Variants in NAA11 observed in about 807,000 individuals in gnomAD.
The protein encoded by NAA11 is N-alpha-acetyltransferase 11, NatA catalytic subunit, also known as N-alpha-acetyltransferase 11.
In NAA11, 15 loss-of-function variants were observed where a neutral mutation model predicts 16.1. The observed-to-expected ratio is 0.93, with a 90% CI of 0.62 to 1.44. The LOEUF (loss-of-function observed/expected upper bound fraction) is 1.44. NAA11 is among the 40% of genes most tolerant of loss of function. The probability of loss-of-function intolerance (pLI) is 0.00; values close to 1 mark genes in which losing one functional copy is unlikely to be tolerated. For synonymous variants in NAA11, 122 were observed against 112.4 expected, an observed-to-expected ratio of 1.09 and a Z score of -0.54; for missense variants, 298 against 291.3, an observed-to-expected ratio of 1.02 and a Z score of -0.17.
At chr4:79,194,077 C>G in the NAA11 span, among the ~76,000 whole-genome samples, 2 of 152,050 alleles carry the variant, frequency 1.3e-5, no homozygotes, top group Non-Finnish European at 2.9e-5. Flanking sequence ...GATTTTGTAT[C>G]CTGAGACTTT....
Position 79,325,670 on chromosome 4 carries a change from C to T in NAA11, c.208G>A (p.Gly70Ser), listed in dbSNP as rs1233919035. 1 of 1,613,984 alleles carries T rather than the reference C, an allele frequency of 6.2e-7. No homozygotes were observed. The highest frequency in any genetic ancestry group is 8.5e-7 in the Non-Finnish European group (1 of 1,179,992). Residue 70 changes from glycine (G) to serine (S), a missense_variant, in exon 1 of 2, where the codon GGC (glycine) becomes AGC (serine). By Grantham distance (56) the Gly-to-Ser change is moderately conservative (BLOSUM62 0). Transcript: ENST00000286794. The stretch of plus-strand genomic sequence containing the variant: ...TTCACGGCCAGTGAGGTGATATGGC[C>T]ATGCGGGACATCATCTGGTTCCTCC... ...MEEEPDDVPH[G>S]HITSLAVKRS...
chr4:79,230,388 A>C (rs1560691149), intron 2 of NAA11, among the ~76,000 whole-genome samples: 1 of 151,972 alleles, frequency 6.6e-6, no homozygotes, highest in Non-Finnish European at 1.5e-5. Context: ...ACTAACCTGC[A>C]CATTGTGCAC....
intron 2 of NAA11, among the ~76,000 whole-genome samples, chr4:79,249,287 A>G (rs1721935471): frequency 6.6e-6 from 1 of 152,262 alleles, no homozygotes; most frequent in African/African-American, 2.4e-5. Flanking sequence ...AATGACAGAT[A>G]TTGAATTCAG....
intron 2 of NAA11, among the ~76,000 whole-genome samples, chr4:79,252,073 A>C (rs1052227572): frequency 6.6e-6 from 1 of 152,234 alleles, no homozygotes; most frequent in Non-Finnish European, 1.5e-5. Flanking sequence ...TTCTAAGTGA[A>C]ATAACTCATA....
At chr4:79,217,001 A>G in the NAA11 span, among the ~76,000 whole-genome samples, 7 of 152,244 alleles carry the variant, frequency 4.6e-5, no homozygotes, top group Non-Finnish European at 5.9e-5. Context: ...AAAAATGTAC[A>G]TTAATGACAG....
At chr4:79,265,159 A>G (rs1248246037) in intron 2 of NAA11, among the ~76,000 whole-genome samples, 1 of 152,122 alleles carries the variant, frequency 6.6e-6, no homozygotes, top group African/African-American at 2.4e-5. Flanking sequence ...TCTGCATCCA[A>G]TTTATCAACA....
At chr4:79,247,290 A>G (rs1329243940) in intron 2 of NAA11, among the ~76,000 whole-genome samples, 1 of 152,162 alleles carries the variant, frequency 6.6e-6, no homozygotes, top group Non-Finnish European at 1.5e-5. Flanking sequence ...TATTATAAAC[A>G]TTTGATTATC....
chr4:79,210,582 C>CA, the NAA11 span, among the ~76,000 whole-genome samples: 2 of 151,954 alleles, frequency 1.3e-5, no homozygotes, highest in Non-Finnish European at 2.9e-5. Context: ...AAAGGAATGA[C>CA]AAAAATAAAT....
At chr4:79,173,964 A>G in the NAA11 span, among the ~76,000 whole-genome samples, 52 of 152,272 alleles carry the variant, frequency 3.4e-4, no homozygotes, top group African/African-American at 1.2e-3. Context: ...TCTTAGGACA[A>G]CAACAATTAG....
intron 1 of NAA11, among the ~76,000 whole-genome samples, chr4:79,303,860 A>C (rs1287850034): frequency 6.6e-6 from 1 of 152,212 alleles, no homozygotes; most frequent in Admixed American, 6.6e-5. Context: ...AATGTCTCTA[A>C]TGAGCCTAGA....
At chr4:79,310,652 AGAT>A (rs1247717698) in intron 1 of NAA11, among the ~76,000 whole-genome samples, 1 of 152,230 alleles carries the variant, frequency 6.6e-6, no homozygotes, top group East Asian at 1.9e-4. Context: ...GTCCCAGTTT[AGAT>A]CTTGAAACAG....
At chr4:79,186,185 C>G in the NAA11 span, among the ~76,000 whole-genome samples, 1 of 152,128 alleles carries the variant, frequency 6.6e-6, no homozygotes, top group African/African-American at 2.4e-5. Flanking sequence ...GTGTTCCCCC[C>G]GCCTCCCGAA....
In NAA11 at chr4:79,251,562, A is replaced by G. The variant is rs114507260; in HGVS notation, c.*123-25292T>C. On this transcript the variant is annotated intron_variant and NMD_transcript_variant, in intron 2 of 2. Transcript: ENST00000511542. ...CCTGGGTGATGAAACAATCTGTATAACAAACTCCCATAACAGGCAATTTTC... is the reference window on the plus strand; with the variant it reads ...CCTGGGTGATGAAACAATCTGTATAGCAAACTCCCATAACAGGCAATTTTC... Among the ~76,000 whole-genome samples the G allele has an allele frequency of 4.5e-3, 691 of 152,236 alleles. 11 individuals carry two copies. Among genetic ancestry groups the G allele is most frequent in the East Asian group, 0.031 (163 of 5,180 alleles).
At chr4:79,279,068 C>A (rs1161108779) in intron 2 of NAA11, among the ~76,000 whole-genome samples, 1 of 152,140 alleles carries the variant, frequency 6.6e-6, no homozygotes, top group East Asian at 1.9e-4. Flanking sequence ...CCCAAAAGAC[C>A]TAACCTCTTT....
the NAA11 span, among the ~76,000 whole-genome samples, chr4:79,180,420 C>T: frequency 3.9e-5 from 6 of 152,070 alleles, no homozygotes; most frequent in Non-Finnish European, 7.4e-5. Context: ...AAAAAGTGGG[C>T]GAAGGATATG....
intron 2 of NAA11, among the ~76,000 whole-genome samples, chr4:79,262,783 T>C (rs1722268576): frequency 6.6e-6 from 1 of 152,152 alleles, no homozygotes; most frequent in Non-Finnish European, 1.5e-5. Context: ...AGTAAATGTG[T>C]TCTAAAGGGC....
Position 79,300,138 on chromosome 4 carries a change from G to C in NAA11, c.*13-6024C>G, listed in dbSNP as rs144433225. The stretch of plus-strand genomic sequence containing the variant: ...AAAAGTAGAACTATCTTGAGAATTT[G>C]TAAAAATAACATTGAGAACTGCTTC... On this transcript the variant is annotated intron_variant and NMD_transcript_variant, in intron 1 of 2. Coordinates refer to the NAA11 transcript ENST00000511542. Among the ~76,000 whole-genome samples the C allele has an allele frequency of 4.1e-3, 618 of 152,280 alleles. 3 individuals are homozygous for C. Among genetic ancestry groups the C allele is most frequent in the African/African-American group, 0.014 (569 of 41,566 alleles).
the NAA11 span, among the ~76,000 whole-genome samples, chr4:79,179,546 C>T: frequency 2.0e-5 from 3 of 152,152 alleles, no homozygotes; most frequent in Admixed American, 6.5e-5. Context: ...ATCAAAGTTA[C>T]TGTTTACTAT....
rs988780285 is a variant in NAA11, at chr4:79,317,566, T to G, written c.*238A>C. 3.3e-5 allele frequency: 5 copies of G among 152,294 alleles called. No homozygotes were observed. The highest frequency in any genetic ancestry group is 2.4e-5 in the African/African-American group (1 of 41,454). The allele number at this position is 152,294 out of a possible 1,614,324, so 9.4% of individuals were successfully genotyped here. On this transcript the variant is annotated 3_prime_UTR_variant, in exon 2 of 2. Transcript: ENST00000286794. The stretch of plus-strand genomic sequence containing the variant: ...AGTGTGAGTAGGCCAAGAAAGGTTC[T>G]GTAATGGCAGGTCTCAAAGTTCCTT...
Sources: gnomAD v4.1 joint callset for allele counts (sites outside exome capture counted in the v4.1 genomes callset) on GRCh38, gnomAD v4.1.1 for gene constraint, MANE v1.5 for transcripts, NCBI Gene and HGNC (gene_info 2026-07-23, HGNC 2026-07-21) for gene names.